HIP1: variants seen among roughly 807,000 people sequenced by gnomAD.
HIP1 encodes the protein huntingtin interacting protein 1.
In HIP1, 65 loss-of-function variants were observed where a neutral mutation model predicts 147.6. The ratio of observed to expected loss-of-function variants is 0.44; its 90% CI spans 0.36 to 0.54. The LOEUF (loss-of-function observed/expected upper bound fraction) is 0.54, where lower values mean the gene tolerates loss of function less well. HIP1 is among the 20% of genes least tolerant of loss of function. The pLI is 0.00. For synonymous variants in HIP1, 479 were observed against 504.0 expected, an observed-to-expected ratio of 0.95 and a Z score of 0.67; for missense variants, 1,061 against 1,299.6, an observed-to-expected ratio of 0.82 and a Z score of 2.82.
chr7:75,591,450 GCCACCTA>G (rs1450286155), intron 4 of HIP1, among the ~76,000 whole-genome samples: 2 of 152,038 alleles, frequency 1.3e-5, no homozygotes, highest in Non-Finnish European at 2.9e-5. Flanking sequence ...CTGTGATATT[GCCACCTA>G]CCTCCCCCCT....
At chr7:75,730,299 A>C (rs1038708322) in intron 1 of HIP1, among the ~76,000 whole-genome samples, 1 of 151,996 alleles carries the variant, frequency 6.6e-6, no homozygotes, top group Non-Finnish European at 1.5e-5. Flanking sequence ...GAGCATAGCT[A>C]TCAACCCCTG....
At chr7:75,650,451 A>ATTTTTTTTTTTTT (rs1798934305) in intron 1 of HIP1, among the ~76,000 whole-genome samples, 2 of 105,000 alleles carry the variant, frequency 1.9e-5, no homozygotes, top group African/African-American at 7.7e-5. Context: ...CTGCCCAGTT[A>ATTTTTTTTTTTTT]TCTTTTTTTT....
chr7:75,616,290 G>A (rs1471022502), intron 1 of HIP1, among the ~76,000 whole-genome samples: 3 of 151,916 alleles, frequency 2.0e-5, no homozygotes, highest in Non-Finnish European at 4.4e-5. Context: ...CTTGTTTAGG[G>A]ACAGAGTCTT....
At chr7:75,579,103 C>A (rs1475194195) in intron 7 of HIP1, among the ~76,000 whole-genome samples, 1 of 152,094 alleles carries the variant, frequency 6.6e-6, no homozygotes, top group African/African-American at 2.4e-5. Flanking sequence ...CAGGCATGAG[C>A]CACTGCGCCC....
chr7:75,730,013 C>T (rs1801784263), intron 1 of HIP1, among the ~76,000 whole-genome samples: 1 of 152,118 alleles, frequency 6.6e-6, no homozygotes, highest in Non-Finnish European at 1.5e-5. Flanking sequence ...TCAGAACTGA[C>T]ACCAGAGAGA....
At chr7:75,614,654 C>T (rs192802581) in intron 1 of HIP1, among the ~76,000 whole-genome samples, 23 of 151,884 alleles carry the variant, frequency 1.5e-4, no homozygotes, top group African/African-American at 5.1e-4. Context: ...GTCGGTTGCA[C>T]GACATAGCGA....
chr7:75,653,485 C>A (rs544246106), intron 1 of HIP1, among the ~76,000 whole-genome samples: 1 of 151,910 alleles, frequency 6.6e-6, no homozygotes, highest in East Asian at 1.9e-4. Context: ...AGACCCCCAT[C>A]TCTACAAAAA....
At chr7:75,578,686 A>G (rs1795929646) in intron 7 of HIP1, among the ~76,000 whole-genome samples, 1 of 152,232 alleles carries the variant, frequency 6.6e-6, no homozygotes, top group Non-Finnish European at 1.5e-5. Flanking sequence ...AAAAGAAACA[A>G]CAACAAAAAA....
At chr7:75,560,817 AC>A (rs1795202049) in intron 13 of HIP1, among the ~76,000 whole-genome samples, 1 of 150,232 alleles carries the variant, frequency 6.7e-6, no homozygotes, top group South Asian at 2.1e-4. Flanking sequence ...TGGATTCAAA[AC>A]TCCTGGGCTT....
intron 4 of HIP1, among the ~76,000 whole-genome samples, chr7:75,591,234 T>C (rs993312431): frequency 2.0e-4 from 30 of 152,198 alleles, no homozygotes; most frequent in African/African-American, 7.2e-4. Context: ...GGTTTCACCA[T>C]GTTGGCCAGG....
intron 1 of HIP1, among the ~76,000 whole-genome samples, chr7:75,605,853 T>A (rs1797204067): frequency 6.6e-6 from 1 of 151,938 alleles, no homozygotes; most frequent in African/African-American, 2.4e-5. Context: ...TTTAATCAAT[T>A]ATTATTATTT....
chr7:75,697,148 G>A (rs1800666455), intron 1 of HIP1, among the ~76,000 whole-genome samples: 1 of 152,126 alleles, frequency 6.6e-6, no homozygotes, highest in African/African-American at 2.4e-5. Flanking sequence ...ATCAAATGAT[G>A]TGTCTATTCC....
At chr7:75,599,290 T>TA (rs782683373) in intron 1 of HIP1, 43 bp from the exon 2 acceptor site, 1 of 1,460,326 alleles carries the variant, frequency 6.8e-7, no homozygotes, top group East Asian at 2.3e-5. Flanking sequence ...ATGAGATGAA[T>TA]AAGCCTCTGA....
intron 8 of HIP1, 44 bp downstream of exon 8, chr7:75,573,717 C>G: frequency 6.3e-7 from 1 of 1,590,050 alleles, no homozygotes; most frequent in Non-Finnish European, 8.6e-7. Context: ...GATCCTCCCT[C>G]TGGCCTGAAT....
chr7:75,559,987 G>A lies in HIP1; in HGVS notation c.1192-72C>T. 3.6e-6 allele frequency: 5 copies of A among 1,398,520 alleles called. No homozygotes were observed. In the Admixed American group the frequency reaches 1.3e-4, roughly 36 times the overall value. 86.6% of individuals were successfully genotyped at this position (1,398,520 alleles called of 1,614,324 possible). On this transcript the variant is annotated intron_variant, in intron 13 of 30. Transcript: ENST00000336926. ...TCACGGGCATGGGCCGGAGAAGCGG[G>A]TCCTACCATGCTTCCAAGTAAATAC...
Position 75,675,233 on chromosome 7 carries a change from C to G in HIP1, c.120+63568G>C, listed in dbSNP as rs1014314862. 1.7e-4 allele frequency among the ~76,000 whole-genome samples: 26 copies of G among 152,134 alleles called. 1 individual carries two copies. The highest frequency in any genetic ancestry group is 1.6e-3 in the Admixed American group (24 of 15,248). On this transcript the variant is annotated intron_variant, in intron 1 of 30. Coordinates refer to ENST00000336926, the MANE Select transcript of HIP1 (RefSeq NM_005338.7). The stretch of plus-strand genomic sequence containing the variant: ...TTTTTCTTTTTGAGATGAAGTCTTG[C>G]TCTGCTGCCCAGGCTGGAGTGCAGT...
chr7:75,621,405 A>G (rs1212142336), intron 1 of HIP1, among the ~76,000 whole-genome samples: 1 of 152,118 alleles, frequency 6.6e-6, no homozygotes, highest in Admixed American at 6.6e-5. Context: ...GACTGGGGCC[A>G]CTGGAAGTGG....
rs60640180 is a variant in HIP1 at position 75,583,756 on chromosome 7, TTGTGTGTGTGTGTGTG to T, written c.466-1621_466-1606del. 1.2e-3 allele frequency among the ~76,000 whole-genome samples: 138 copies of T among 115,518 alleles called. 1 individual carries two copies. Among genetic ancestry groups the T allele is most frequent in the Non-Finnish European group, 1.2e-3 (69 of 56,850 alleles). The allele number at this position is 115,518 out of a possible 152,430, so 75.8% of individuals were successfully genotyped here. A position where few individuals can be genotyped will look rare whatever the true frequency, so the allele number is the denominator to read the frequency against. On this transcript the variant is annotated intron_variant, in intron 5 of 30. Coordinates refer to ENST00000336926, the MANE Select transcript of HIP1 (RefSeq NM_005338.7). Reference sequence around the variant, plus strand: ...GGCATACACCACCATGCGGGCTAATTTGTGTGTGTGTGTGTGTGTGTGTGTGTGTGTGTGTGTGTGT... The same window carrying T: ...GGCATACACCACCATGCGGGCTAATTTGTGTGTGTGTGTGTGTGTGTGTGT...
intron 1 of HIP1, among the ~76,000 whole-genome samples, chr7:75,607,325 G>A (rs1194214529): frequency 1.3e-5 from 2 of 150,498 alleles, no homozygotes; most frequent in African/African-American, 2.5e-5. Flanking sequence ...TGCCTTCTGG[G>A]TTCAAGCGAT....
Sources: gnomAD v4.1 joint callset for allele counts (sites outside exome capture counted in the v4.1 genomes callset) on GRCh38, gnomAD v4.1.1 for gene constraint, MANE v1.5 for transcripts, NCBI Gene and HGNC (gene_info 2026-07-23, HGNC 2026-07-21) for gene names.